The following TSFM variants were observed in gnomAD, a reference collection of about 807,000 sequenced individuals.
TSFM encodes the protein elongation factor Ts, mitochondrial.
TSFM carries 29 observed loss-of-function variants against 33.4 expected under a neutral mutation model. That is an observed-to-expected ratio of 0.87 (90% confidence interval 0.65 to 1.18). TSFM has a LOEUF of 1.18. Ranked by LOEUF, TSFM falls within the 50% of genes most tolerant of loss-of-function variation. TSFM has a pLI of 0.00. For synonymous variants in TSFM, 178 were observed against 163.5 expected (o/e 1.09, Z -0.68); for missense variants, 394 against 395.6 (o/e 1.00, Z 0.04).
At chr12:57,799,279 C>T (rs1225266816), downstream of TSFM, among the ~76,000 whole-genome samples, 2 of 152,154 alleles carry the variant, frequency 1.3e-5, no homozygotes, top group Non-Finnish European at 2.9e-5. Context: ...CTGGAATAAG[C>T]ATGTTTTAAG....
Position 57,783,126 on chromosome 12 carries a change from G to A in TSFM, c.74G>A (p.Arg25His), listed in dbSNP as rs1432500045. The change falls in exon 2 of 6, where the codon CGT (arginine) becomes CAT (histidine). Residue 25 changes from arginine to histidine, a missense_variant. Physicochemically the swap from Arg to His is conservative, Grantham distance 29. Transcript: ENST00000652027. Reference protein sequence around the residue: ...TGSYPAGSLLRQSPQPRHTFY... With the variant: ...TGSYPAGSLLHQSPQPRHTFY... ...CTCATCTAGGCTGGGTCTCTTCTGC[G>A]TCAGTCGCCCCAGCCAAGGCACACA... 1.2e-6 allele frequency: 2 copies of A among 1,610,714 alleles called. No homozygotes were observed. The highest frequency in any genetic ancestry group is 2.2e-5 in the South Asian group (2 of 91,052).
rs62000432 is a variant in TSFM, at chr12:57,796,401, C to T, written c.796C>T (p.Leu266Phe). 2 of 1,602,488 alleles carry T rather than the reference C, an allele frequency of 1.2e-6. No homozygotes were observed. Among genetic ancestry groups the T allele is most frequent in the Admixed American group, 1.7e-5 (1 of 57,690 alleles). ...LGQHVVGMAP[L>F]SVGSLDDEPG... ...GCAGCATGTGGTGGGCATGGCCCCC[C>T]TCTCTGTTGGCTCCCTGGACGATGA... Residue 266 changes from leucine to phenylalanine, a missense_variant, in exon 6 of 6, where the codon CTC becomes TTC. Around this residue, in one of 3 missense-constraint regions of TSFM, gnomAD observed 186 missense variants for 198.8 expected, o/e 0.94. Coordinates refer to ENST00000652027, the MANE Select transcript of TSFM (RefSeq NM_005726.6).
downstream of TSFM, chr12:57,802,476 C>A: frequency 8.7e-7 from 1 of 1,144,054 alleles, no homozygotes; most frequent in Non-Finnish European, 1.3e-6. Context: ...ACTTTCTCAG[C>A]CTAATTTGTT....
intron 2 of TSFM, chr12:57,783,641 C>A (rs1409991964): frequency 3.5e-6 from 2 of 570,872 alleles, no homozygotes; most frequent in Admixed American, 2.2e-5. Context: ...TGGCCCAGGC[C>A]GGCGTGCAAT....
chr12:57,796,639 A>G lies in TSFM; in HGVS notation c.*56A>G. On this transcript the variant is annotated 3_prime_UTR_variant, in exon 6 of 6. Transcript: ENST00000652027. ...TTTACTTTTAGCTCTGGACATCATT[A>G]CAAAAAGGAATATTTCCCAAACCTC... 1 of 1,296,210 alleles carries G rather than the reference A, an allele frequency of 7.7e-7. No homozygotes were observed. The highest frequency in any genetic ancestry group is 1.5e-5 in the African/African-American group (1 of 66,572). 80.3% of individuals were successfully genotyped at this position (1,296,210 alleles called of 1,614,324 possible). A position where few individuals can be genotyped will look rare whatever the true frequency, so the allele number is the denominator to read the frequency against.
At chr12:57,784,013 A>C in intron 2 of TSFM, 1 of 702,990 alleles carries the variant, frequency 1.4e-6, no homozygotes, top group Non-Finnish European at 2.6e-6. Context: ...TGGCGTCGTT[A>C]GGAGATTTTG....
chr12:57,783,496 G>C (rs1313248715), intron 2 of TSFM: 2 of 714,490 alleles, frequency 2.8e-6, no homozygotes, highest in Non-Finnish European at 2.6e-6. Flanking sequence ...AGACTGTTAC[G>C]GTGTTTCTTG....
At chr12:57,801,031 C>G (rs573379047), downstream of TSFM, 165 of 803,072 alleles carry the variant, frequency 2.1e-4, no homozygotes, top group African/African-American at 2.7e-3. Context: ...AAACAGACAA[C>G]TATGGTAATA....
At position 57,797,423 on chromosome 12, in the gene TSFM, C is replaced by T. The variant is rs1333030063; in HGVS notation, c.*840C>T. ...ATTTGAAAAGTGAAAAATGCTTTGA[C>T]ACATTACAGATCTGGGTATTTGGAT... On this transcript the variant is annotated 3_prime_UTR_variant, in exon 6 of 6. Coordinates refer to ENST00000652027, the MANE Select transcript of TSFM (RefSeq NM_005726.6). 2 of 985,386 alleles carry T rather than the reference C, an allele frequency of 2.0e-6. No individual in the cohort carries two copies. The highest frequency in any genetic ancestry group is 2.4e-6 in the Non-Finnish European group (2 of 829,940). The allele number at this position is 985,386 out of a possible 1,614,324, so 61.0% of individuals were successfully genotyped here.
intron 4 of TSFM, among the ~76,000 whole-genome samples, chr12:57,788,089 A>T (rs1378918893): frequency 6.6e-6 from 1 of 152,150 alleles, no homozygotes; most frequent in Non-Finnish European, 1.5e-5. Context: ...TTTATTACCA[A>T]CTTTTTTTAT....
At chr12:57,802,572 G>A (rs1955872291), downstream of TSFM, 1 of 721,164 alleles carries the variant, frequency 1.4e-6, no homozygotes, top group Admixed American at 2.0e-5. Context: ...TTTCCAAATT[G>A]GAGCTGTCTC....
intron 2 of TSFM, among the ~76,000 whole-genome samples, chr12:57,785,417 C>T (rs1490510335): frequency 6.6e-6 from 1 of 152,068 alleles, no homozygotes; most frequent in Admixed American, 6.5e-5. Context: ...ATGTTTTTTT[C>T]TGGAATACCT....
downstream of TSFM, among the ~76,000 whole-genome samples, chr12:57,801,624 C>T (rs931393688): frequency 6.6e-6 from 1 of 152,130 alleles, no homozygotes; most frequent in African/African-American, 2.4e-5. Context: ...CCTATAATCC[C>T]AGCTACTTGG....
chr12:57,793,286 G>T (rs1344618808), intron 5 of TSFM, among the ~76,000 whole-genome samples: 1 of 152,022 alleles, frequency 6.6e-6, no homozygotes, highest in Non-Finnish European at 1.5e-5. Context: ...GGAGTGCAGT[G>T]GCGCAATCTC....
chr12:57,784,486 T>A (rs1365211396), intron 2 of TSFM, among the ~76,000 whole-genome samples: 1 of 152,254 alleles, frequency 6.6e-6, no homozygotes, highest in African/African-American at 2.4e-5. Context: ...ATTTTTGGAC[T>A]CTTTTGTAAT....
At chr12:57,791,257 G>A (rs1306906115) in intron 4 of TSFM, among the ~76,000 whole-genome samples, 30 of 152,092 alleles carry the variant, frequency 2.0e-4, no homozygotes, top group African/African-American at 5.3e-4. Flanking sequence ...TGATCCACCC[G>A]CCTCAGCCTC....
At chr12:57,784,150 G>A in intron 2 of TSFM, 1 of 702,188 alleles carries the variant, frequency 1.4e-6, no homozygotes, top group Non-Finnish European at 2.6e-6. Context: ...ACTGAATACT[G>A]TAGGCAGTTG....
At chr12:57,802,791 G>A (rs1955876977), downstream of TSFM, 1 of 576,256 alleles carries the variant, frequency 1.7e-6, no homozygotes, top group African/African-American at 1.9e-5. Context: ...AGTCACCAGG[G>A]CTGACCAACT....
intron 2 of TSFM, chr12:57,783,617 G>A (rs1175583534): frequency 1.3e-5 from 7 of 559,680 alleles, no homozygotes; most frequent in Admixed American, 1.1e-4. Flanking sequence ...TTTTTCAGAC[G>A]GAGTCTTGCT....
Sources: allele counts gnomAD v4.1 joint callset (sites outside exome capture counted in the v4.1 genomes callset), GRCh38; gene constraint gnomAD v4.1.1; regional missense constraint gnomAD v4.1.1; transcripts MANE v1.5; gene names NCBI Gene and HGNC (gene_info 2026-07-23, HGNC 2026-07-21).